The following JADE2 variants were observed in gnomAD, a reference collection of about 807,000 sequenced individuals.
The protein encoded by JADE2 is E3 ubiquitin-protein ligase Jade-2.
In JADE2, 13 loss-of-function variants were observed where a neutral mutation model predicts 85.7. The ratio of observed to expected loss-of-function variants is 0.15; its 90% CI spans 0.10 to 0.24. The LOEUF is 0.24. Among genes scored for constraint, JADE2 ranks in the 10% least tolerant of loss-of-function variants. JADE2 has a pLI of 1.00. For synonymous variants in JADE2, 440 were observed against 456.1 expected, an observed-to-expected ratio of 0.96 and a Z score of 0.45; for missense variants, 846 against 1,115.9, an observed-to-expected ratio of 0.76 and a Z score of 3.45.
Position 134,566,548 on chromosome 5 carries a change from C to T in JADE2, c.1402C>T (p.Leu468Phe). 1.3e-6 allele frequency: 2 copies of T among 1,577,944 alleles called. No individual in the cohort carries two copies. The highest frequency in any genetic ancestry group is 1.7e-6 in the Non-Finnish European group (2 of 1,161,490). ...GGACGTCCTCTACCGCCGCCTGAAG[C>T]TCTTCACCCATCTGCGGCAGGACCT... ...EQDVLYRRLKLFTHLRQDLER... is the reference protein window; with the variant it reads ...EQDVLYRRLKFFTHLRQDLER... The change falls in exon 9 of 12, where the codon CTC becomes TTC. Residue 468 changes from leucine (L) to phenylalanine (F), a missense_variant. This residue lies in a region of JADE2 where 88 missense variants were observed against 140.6 expected (regional missense o/e 0.63). Coordinates refer to ENST00000681547, the MANE Select transcript of JADE2 (RefSeq NM_001388185.1). The surrounding 1 kb of genome is among the most constrained non-coding windows in gnomAD (Gnocchi z 6.7).
intron 1 of JADE2, among the ~76,000 whole-genome samples, chr5:134,530,000 G>T (rs1014723456): frequency 7.2e-5 from 11 of 152,206 alleles, no homozygotes; most frequent in Non-Finnish European, 1.5e-5. Context: ...GAGGGTTCAG[G>T]CTCCTCTAGA....
At chr5:134,563,243 G>A (rs910349431) in intron 7 of JADE2, among the ~76,000 whole-genome samples, 13 of 151,794 alleles carry the variant, frequency 8.6e-5, no homozygotes, top group Admixed American at 4.6e-4. Context: ...ACTTGAACCC[G>A]AGAGACAGAG....
At chr5:134,527,884 G>T (rs1219439121) in intron 1 of JADE2, among the ~76,000 whole-genome samples, 1 of 152,184 alleles carries the variant, frequency 6.6e-6, no homozygotes, top group Non-Finnish European at 1.5e-5. Context: ...TGCGGCCGGC[G>T]ATTCTGGTCT....
intron 4 of JADE2, among the ~76,000 whole-genome samples, chr5:134,558,305 C>A (rs1298725552): frequency 1.5e-5 from 2 of 137,668 alleles, no homozygotes; most frequent in Non-Finnish European, 3.1e-5. Context: ...GAGTAGGTTG[C>A]GAAAATTTTC....
chr5:134,561,023 C>G, intron 6 of JADE2, 66 bp downstream of exon 6: 1 of 1,421,542 alleles, frequency 7.0e-7, no homozygotes, highest in South Asian at 1.3e-5. Context: ...CAGCGACCCC[C>G]ACTTGGCTCT....
chr5:134,528,263 G>C (rs531284425), intron 1 of JADE2, among the ~76,000 whole-genome samples: 1 of 152,150 alleles, frequency 6.6e-6, no homozygotes, highest in African/African-American at 2.4e-5. Context: ...TGGCAAAAGG[G>C]CTCGGCATGG....
At chr5:134,550,129 CT>C (rs1180338965) in intron 3 of JADE2, among the ~76,000 whole-genome samples, 1 of 152,236 alleles carries the variant, frequency 6.6e-6, no homozygotes, top group Admixed American at 6.5e-5. Context: ...CACATTCCAT[CT>C]TCTGTTTAAT....
chr5:134,543,930 C>A (rs761065182), intron 3 of JADE2, among the ~76,000 whole-genome samples: 5 of 152,214 alleles, frequency 3.3e-5, no homozygotes, highest in Non-Finnish European at 7.3e-5. Context: ...CCCACAGGGG[C>A]TGGGGAATTA....
chr5:134,566,238 C>T lies in JADE2; in HGVS notation c.1092C>T (p.His364=). 1.2e-6 allele frequency: 2 copies of T among 1,614,134 alleles called. No homozygotes were observed. Among genetic ancestry groups the T allele is most frequent in the Non-Finnish European group, 1.7e-6 (2 of 1,180,038 alleles). ...EVKFKSFCQE[H]SDGGPRNEPT... is the part of the protein sequence containing the mutation. ...AGTTCAAGTCATTCTGCCAGGAGCA[C>T]AGTGACGGGGGCCCACGTAATGAGC... Residue 364 remains histidine, a synonymous_variant, in exon 9 of 12, where the codon CAC becomes CAT. Transcript: ENST00000681547. The surrounding 1 kb of genome is among the most constrained non-coding windows in gnomAD (Gnocchi z 6.7).
intron 9 of JADE2, among the ~76,000 whole-genome samples, chr5:134,572,554 G>A (rs1190904981): frequency 1.3e-5 from 2 of 152,328 alleles, no homozygotes; most frequent in Middle Eastern, 3.4e-3. Flanking sequence ...GGAACCCAAC[G>A]GGAAACAGCC....
At chr5:134,564,237 A>AT (rs764734868) in intron 7 of JADE2, 54 of 344,300 alleles carry the variant, frequency 1.6e-4, no homozygotes, top group Admixed American at 2.2e-4. Context: ...ACACTCACAC[A>AT]TTCACAGACA....
chr5:134,556,513 T>G (rs1414042565), intron 4 of JADE2, among the ~76,000 whole-genome samples: 18 of 38,336 alleles, frequency 4.7e-4, no homozygotes, highest in Middle Eastern at 0.023. Flanking sequence ...CACACACACA[T>G]CACACAACAC....
Position 134,578,963 on chromosome 5 carries a change from C to T in JADE2, c.2151C>T (p.Pro717=). ...DCPILATPES[P]PPLAPETPDE... ...CCATCCTAGCCACCCCTGAAAGCCCCCCGCCACTGGCCCCTGAGACCCCGG... is the reference window on the plus strand; with the variant it reads ...CCATCCTAGCCACCCCTGAAAGCCCTCCGCCACTGGCCCCTGAGACCCCGG... Residue 717 remains proline (P), a synonymous_variant, in exon 12 of 12, where the codon CCC becomes CCT. Coordinates refer to ENST00000681547, the MANE Select transcript of JADE2 (RefSeq NM_001388185.1). The surrounding 1 kb of genome is among the most constrained non-coding windows in gnomAD (Gnocchi z 4.4). 1 of 1,613,248 alleles carries T rather than the reference C, an allele frequency of 6.2e-7. No individual in the cohort carries two copies. Among genetic ancestry groups the T allele is most frequent in the African/African-American group, 1.3e-5 (1 of 75,062 alleles).
intron 1 of JADE2, chr5:134,533,590 G>A: frequency 2.0e-6 from 2 of 985,240 alleles, no homozygotes; most frequent in African/African-American, 3.5e-5. Flanking sequence ...AAAGAAAATG[G>A]GTGGGTGCAC....
intron 9 of JADE2, among the ~76,000 whole-genome samples, chr5:134,568,184 A>G (rs1416656009): frequency 6.6e-6 from 1 of 152,208 alleles, no homozygotes; most frequent in Non-Finnish European, 1.5e-5. Flanking sequence ...TTATGTAGTC[A>G]TCATCCTGGA....
rs775966958 is a variant in JADE2, at chr5:134,566,085, A to G, written c.970-31A>G. ...TCTCCCCTCCCACCAGGCTCCCTCCATGTCTGATCCTGCCCCTCCTTTCCC... is the reference window on the plus strand; with the variant it reads ...TCTCCCCTCCCACCAGGCTCCCTCCGTGTCTGATCCTGCCCCTCCTTTCCC... On this transcript the variant is annotated intron_variant, in intron 8 of 11. Coordinates refer to ENST00000681547, the MANE Select transcript of JADE2 (RefSeq NM_001388185.1). The surrounding 1 kb of genome is among the most constrained non-coding windows in gnomAD (Gnocchi z 6.7). 7 of 1,581,960 alleles carry G rather than the reference A, an allele frequency of 4.4e-6. No individual in the cohort carries two copies. The highest frequency in any genetic ancestry group is 2.2e-5 in the East Asian group (1 of 44,692).
At position 134,582,475 on chromosome 5, in the gene JADE2, A is replaced by G. The variant is rs1300804212; in HGVS notation, c.*3158A>G. The G allele has an allele frequency of 6.6e-6, 1 of 152,256 alleles. No individual in the cohort carries two copies. The highest frequency in any genetic ancestry group is 1.9e-4 in the East Asian group (1 of 5,200). The allele number at this position is 152,256 out of a possible 1,614,324, so 9.4% of individuals were successfully genotyped here. Reference sequence around the variant, plus strand: ...ACAATTCCTAGAGATTCAACTGCCCAATTCTAACCAACATTGGCAGCGGCT... The same window carrying G: ...ACAATTCCTAGAGATTCAACTGCCCGATTCTAACCAACATTGGCAGCGGCT... On this transcript the variant is annotated 3_prime_UTR_variant, in exon 12 of 12. Coordinates refer to ENST00000681547, the MANE Select transcript of JADE2 (RefSeq NM_001388185.1).
intron 3 of JADE2, among the ~76,000 whole-genome samples, chr5:134,539,718 T>G (rs542640733): frequency 1.3e-5 from 2 of 152,228 alleles, no homozygotes; most frequent in African/African-American, 4.8e-5. Context: ...GGGGCCCTCG[T>G]CATGGGTTGG....
chr5:134,572,267 C>T (rs567920711), intron 9 of JADE2, among the ~76,000 whole-genome samples: 2 of 152,320 alleles, frequency 1.3e-5, no homozygotes, highest in African/African-American at 4.8e-5. Context: ...TGGCCTGGTG[C>T]TCACGGTCTT....
Sources: allele counts gnomAD v4.1 joint callset (sites outside exome capture counted in the v4.1 genomes callset), GRCh38; gene constraint gnomAD v4.1.1; regional missense constraint gnomAD v4.1.1; non-coding constraint Gnocchi (gnomAD v3.1); transcripts MANE v1.5; gene names NCBI Gene and HGNC (gene_info 2026-07-23, HGNC 2026-07-21).